BANP: variants seen among roughly 807,000 people sequenced by gnomAD.
BANP encodes BTG3 associated nuclear protein.
BANP carries 11 observed loss-of-function variants against 68.1 expected under a neutral mutation model. That is an observed-to-expected ratio of 0.16 (90% confidence interval 0.10 to 0.27). BANP has a LOEUF of 0.27. Among genes scored for constraint, BANP ranks in the 10% least tolerant of loss-of-function variants. BANP has a pLI of 1.00. For synonymous variants in BANP, 329 were observed against 303.2 expected, an observed-to-expected ratio of 1.09 and a Z score of -0.88; for missense variants, 504 against 722.7, an observed-to-expected ratio of 0.70 and a Z score of 3.47.
rs561942450 is a variant in BANP, at chr16:88,036,321, G to A, written c.1272+927G>A. 1.7e-3 allele frequency among the ~76,000 whole-genome samples: 254 copies of A among 152,264 alleles called. No individual in the cohort carries two copies. Among genetic ancestry groups the A allele is most frequent in the Admixed American group, 4.7e-3 (72 of 15,298 alleles). On this transcript the variant is annotated intron_variant, in intron 10 of 13. Coordinates refer to ENST00000682872, the MANE Select transcript of BANP (RefSeq NM_001386991.1). The surrounding 1 kb of genome is among the most constrained non-coding windows in gnomAD (Gnocchi z 4.2). ...ACCAGCAGCAGAGACTAGGAAGCCC[G>A]GGTGCTGAGGTCAAGGGGACTCATG...
intron 6 of BANP, among the ~76,000 whole-genome samples, chr16:88,015,905 G>A (rs993220780): frequency 8.5e-5 from 13 of 152,246 alleles, no homozygotes; most frequent in African/African-American, 2.9e-4. Flanking sequence ...GCTGTTTCCC[G>A]CGGCCCCGGT....
At chr16:88,025,246 A>G (rs1193736204) in intron 7 of BANP, among the ~76,000 whole-genome samples, 5 of 152,156 alleles carry the variant, frequency 3.3e-5, no homozygotes, top group East Asian at 3.9e-4. Context: ...TCCGGTAACT[A>G]TGGTGCAACC....
intron 11 of BANP, among the ~76,000 whole-genome samples, chr16:88,056,890 T>G (rs115043384): frequency 1.3e-5 from 2 of 152,236 alleles, no homozygotes; most frequent in African/African-American, 4.8e-5. Context: ...GATGCACACA[T>G]TGAAGACATT....
intron 6 of BANP, among the ~76,000 whole-genome samples, chr16:88,013,609 G>A (rs1376541837): frequency 3.9e-5 from 6 of 152,178 alleles, no homozygotes; most frequent in South Asian, 2.1e-4. Context: ...GCCTGCACCC[G>A]TCAGAGCTCA....
intron 1 of BANP, among the ~76,000 whole-genome samples, chr16:87,970,819 G>T (rs988825242): frequency 1.3e-5 from 2 of 152,096 alleles, no homozygotes; most frequent in African/African-American, 2.4e-5. Context: ...GGGAGTTTGA[G>T]ACCAGCCTGG....
rs936455998 is a variant in BANP, at chr16:88,003,292, A to G, written c.363-1003A>G. On this transcript the variant is annotated intron_variant, in intron 4 of 13. Transcript: ENST00000682872. This position sits in a 1 kb window ranked among gnomAD's most constrained non-coding sequence, Gnocchi z 6.1. ...TGGTGGTCCTGTGATTTACTTGAGC[A>G]TGGCGTGGTGCTGTGCTGGCACTCA... 3.0e-4 allele frequency among the ~76,000 whole-genome samples: 45 copies of G among 152,230 alleles called. No homozygotes were observed. The highest frequency in any genetic ancestry group is 5.9e-5 in the Non-Finnish European group (4 of 68,042).
intron 1 of BANP, among the ~76,000 whole-genome samples, chr16:87,958,261 G>T (rs867467294): frequency 3.9e-5 from 6 of 152,124 alleles, no homozygotes; most frequent in Admixed American, 1.3e-4. Context: ...CAAACTTTGG[G>T]TCTGAACCCA....
intron 3 of BANP, among the ~76,000 whole-genome samples, chr16:87,983,573 C>T (rs554449458): frequency 2.6e-5 from 4 of 152,166 alleles, no homozygotes; most frequent in South Asian, 2.1e-4. Flanking sequence ...AAGAGCCCCA[C>T]GGGAGCCTCA....
intron 11 of BANP, among the ~76,000 whole-genome samples, 169 bp downstream of exon 11, chr16:88,038,180 G>A (rs112204663): frequency 6.6e-6 from 1 of 152,144 alleles, no homozygotes; most frequent in South Asian, 2.1e-4. Context: ...GTCATTGTGG[G>A]CATTGCGCTG....
intron 13 of BANP, among the ~76,000 whole-genome samples, chr16:88,072,649 G>A (rs139331385): frequency 2.5e-4 from 38 of 152,390 alleles, no homozygotes; most frequent in African/African-American, 8.9e-4. Flanking sequence ...GCGCAGGGCT[G>A]CTGTGCTCTG....
intron 11 of BANP, among the ~76,000 whole-genome samples, chr16:88,059,737 G>T (rs746534831): frequency 2.6e-5 from 4 of 152,146 alleles, no homozygotes; most frequent in Non-Finnish European, 4.4e-5. Context: ...GCTACTCCTC[G>T]CGTCCTGTCA....
chr16:88,050,810 C>G (rs747666737), intron 11 of BANP, among the ~76,000 whole-genome samples: 10 of 152,202 alleles, frequency 6.6e-5, no homozygotes, highest in Non-Finnish European at 1.2e-4. Context: ...ACCTCAGCCT[C>G]CCGAGTAGCT....
intron 8 of BANP, among the ~76,000 whole-genome samples, chr16:88,032,243 C>G (rs950741971): frequency 2.2e-4 from 34 of 151,904 alleles, no homozygotes; most frequent in African/African-American, 7.7e-4. Context: ...GCTCTGTTGC[C>G]CAGGCTGGAG....
At chr16:88,048,595 A>C (rs190360264) in intron 11 of BANP, among the ~76,000 whole-genome samples, 1 of 152,250 alleles carries the variant, frequency 6.6e-6, no homozygotes, top group African/African-American at 2.4e-5. Context: ...ATCGATTCTA[A>C]CAGTGTTCTC....
At chr16:88,024,417 A>G (rs1233480458) in intron 7 of BANP, among the ~76,000 whole-genome samples, 1 of 152,264 alleles carries the variant, frequency 6.6e-6, no homozygotes, top group South Asian at 2.1e-4. Flanking sequence ...GTCAAATAAC[A>G]TGAGATCAAA....
intron 4 of BANP, among the ~76,000 whole-genome samples, chr16:87,988,420 C>G (rs901267490): frequency 6.6e-6 from 1 of 151,904 alleles, no homozygotes; most frequent in Non-Finnish European, 1.5e-5. Context: ...CAGGCCACCA[C>G]GCCTGGCTAA....
At chr16:88,032,361 C>T (rs1285607810) in intron 8 of BANP, among the ~76,000 whole-genome samples, 4 of 151,994 alleles carry the variant, frequency 2.6e-5, no homozygotes, top group African/African-American at 9.7e-5. Context: ...ACCACCACGC[C>T]TGTCTAATTT....
In BANP at chr16:88,036,864, T is replaced by G. The variant is rs2079495474; in HGVS notation, c.1273-1109T>G. 6.6e-6 allele frequency among the ~76,000 whole-genome samples: 1 copy of G among 152,110 alleles called. No individual in the cohort carries two copies. The highest frequency in any genetic ancestry group is 1.5e-5 in the Non-Finnish European group (1 of 68,010). On this transcript the variant is annotated intron_variant, in intron 10 of 13. Transcript: ENST00000682872. This position sits in a 1 kb window ranked among gnomAD's most constrained non-coding sequence, Gnocchi z 4.2. ...GTGGGTGGGTCAGGGACCATCTCCT[T>G]GGAGATGTCAGGAGATGCGCCTGTC...
chr16:88,025,374 G>A (rs2076792530), intron 7 of BANP, among the ~76,000 whole-genome samples: 1 of 152,216 alleles, frequency 6.6e-6, no homozygotes, highest in South Asian at 2.1e-4. Context: ...GCTCAGCCTG[G>A]GGCTTCCTGA....
Sources: gnomAD v4.1 joint callset for allele counts (sites outside exome capture counted in the v4.1 genomes callset) on GRCh38, gnomAD v4.1.1 for gene constraint, Gnocchi (gnomAD v3.1) non-coding constraint, MANE v1.5 for transcripts, NCBI Gene and HGNC (gene_info 2026-07-23, HGNC 2026-07-21) for gene names.